Variants in SDCCAG8 observed in about 807,000 individuals in gnomAD.
SDCCAG8 encodes the protein SHH signaling and ciliogenesis regulator SDCCAG8, also known as serologically defined colon cancer antigen 8.
Under a neutral mutation model 101.8 loss-of-function variants are expected in SDCCAG8, and 74 were observed. That is an observed-to-expected ratio of 0.73 (90% CI 0.60 to 0.88). The LOEUF (loss-of-function observed/expected upper bound fraction) is 0.88, where lower values mean the gene tolerates loss of function less well. SDCCAG8 is among the 40% of genes least tolerant of loss of function. The probability of loss-of-function intolerance (pLI) is 0.00; values close to 1 mark genes in which losing one functional copy is unlikely to be tolerated. For missense variants in SDCCAG8, 787 were observed against 822.6 expected (o/e 0.96, Z 0.53); for synonymous variants, 281 against 292.9 (o/e 0.96, Z 0.41).
chr1:243,345,145 T>C (rs868104676), intron 12 of SDCCAG8, among the ~76,000 whole-genome samples: 3 of 151,830 alleles, frequency 2.0e-5, no homozygotes, highest in Non-Finnish European at 4.4e-5. Flanking sequence ...TCCAAATAAG[T>C]TTTTTTTCAA....
intron 12 of SDCCAG8, among the ~76,000 whole-genome samples, chr1:243,352,689 T>A (rs2076146981): frequency 6.6e-6 from 1 of 152,234 alleles, no homozygotes; most frequent in South Asian, 2.1e-4. Flanking sequence ...AAATTTATTG[T>A]ATAAACATAA....
chr1:243,476,203 G>C, intron 16 of SDCCAG8: 1 of 985,524 alleles, frequency 1.0e-6, no homozygotes, highest in Non-Finnish European at 1.2e-6. Flanking sequence ...GTGGCAACCA[G>C]CAGATGGGGT....
chr1:243,495,955 G>C (rs747310861), intron 17 of SDCCAG8, among the ~76,000 whole-genome samples: 10 of 152,138 alleles, frequency 6.6e-5, no homozygotes. Context: ...TCAGCTCTGC[G>C]TTGCTTCAGA....
intron 13 of SDCCAG8, among the ~76,000 whole-genome samples, chr1:243,385,475 A>G (rs1027021223): frequency 6.6e-6 from 1 of 152,184 alleles, no homozygotes; most frequent in African/African-American, 2.4e-5. Flanking sequence ...GGTTCTAGAA[A>G]AGGATTACAG....
intron 8 of SDCCAG8, among the ~76,000 whole-genome samples, chr1:243,311,838 A>G (rs755960050): frequency 1.2e-4 from 18 of 152,226 alleles, no homozygotes; most frequent in Non-Finnish European, 1.5e-5. Context: ...TAGATTATGA[A>G]AAAATATTTT....
At chr1:243,426,000 C>T (rs1031955236) in intron 15 of SDCCAG8, among the ~76,000 whole-genome samples, 7 of 152,192 alleles carry the variant, frequency 4.6e-5, no homozygotes, top group African/African-American at 1.7e-4. Flanking sequence ...CATTAAAGAA[C>T]TATTTTTATT....
chr1:243,332,842 CG>C (rs2074723984), intron 10 of SDCCAG8, among the ~76,000 whole-genome samples: 1 of 145,794 alleles, frequency 6.9e-6, no homozygotes, highest in Admixed American at 6.8e-5. Flanking sequence ...ATCGTGGTCC[CG>C]GTCTGGAGGT....
At chr1:243,332,747 G>A (rs1355033786) in intron 10 of SDCCAG8, among the ~76,000 whole-genome samples, 1 of 152,014 alleles carries the variant, frequency 6.6e-6, no homozygotes, top group Non-Finnish European at 1.5e-5. Context: ...CAGGTCTGGA[G>A]GTGATTATTG....
chr1:243,437,404 T>C (rs1177716525), intron 16 of SDCCAG8, among the ~76,000 whole-genome samples: 1 of 152,060 alleles, frequency 6.6e-6, no homozygotes, highest in Non-Finnish European at 1.5e-5. Flanking sequence ...TAGACTACGG[T>C]AAGAGTAAAC....
chr1:243,317,154 C>CT (rs1239361826), intron 9 of SDCCAG8, among the ~76,000 whole-genome samples: 1 of 152,102 alleles, frequency 6.6e-6, no homozygotes. Context: ...TATGCTTAAT[C>CT]TTTTTATTTG....
In SDCCAG8 at chr1:243,344,072, A is replaced by G. The variant is rs1464544765; in HGVS notation, c.1357-143A>G. The G allele has an allele frequency of 4.3e-6, 3 of 692,694 alleles. No individual in the cohort carries two copies. In the African/African-American group the frequency reaches 5.4e-5, roughly 12 times the overall value. 42.9% of individuals were successfully genotyped at this position (692,694 alleles called of 1,614,324 possible). A position where few individuals can be genotyped will look rare whatever the true frequency, so the allele number is the denominator to read the frequency against. The stretch of plus-strand genomic sequence containing the variant: ...TCTGAATCTTAACAAGCTACGTTGA[A>G]TAGTCTAATAGAAAATGGCATTCTT... On this transcript the variant is annotated intron_variant, in intron 11 of 17. Transcript: ENST00000366541.
chr1:243,488,236 G>T (rs1055348558), intron 16 of SDCCAG8: 2 of 152,372 alleles, frequency 1.3e-5, no homozygotes, highest in Admixed American at 6.5e-5. Context: ...CGGCTCAGTA[G>T]CCTGGAGTTT....
At chr1:243,288,904 G>T (rs1189855390) in intron 5 of SDCCAG8, among the ~76,000 whole-genome samples, 1 of 151,814 alleles carries the variant, frequency 6.6e-6, no homozygotes, top group Admixed American at 6.6e-5. Flanking sequence ...CTACTTGGGA[G>T]GCTGAGGCAG....
intron 6 of SDCCAG8, among the ~76,000 whole-genome samples, chr1:243,296,037 C>T (rs2070840596): frequency 6.6e-6 from 1 of 151,914 alleles, no homozygotes; most frequent in South Asian, 2.1e-4. Flanking sequence ...GCTCTGTCAC[C>T]CAGGGTGGAG....
chr1:243,277,805 T>C (rs1181890235), intron 4 of SDCCAG8, among the ~76,000 whole-genome samples: 1 of 152,214 alleles, frequency 6.6e-6, no homozygotes, highest in African/African-American at 2.4e-5. Context: ...GTTTGAAGGA[T>C]AGTTGTCCAT....
chr1:243,300,006 A>C (rs903525962), intron 6 of SDCCAG8, among the ~76,000 whole-genome samples: 2 of 151,914 alleles, frequency 1.3e-5, no homozygotes, highest in Non-Finnish European at 2.9e-5. Context: ...CTGGTAATAT[A>C]GGCGCATGCC....
At position 243,452,417 on chromosome 1, in the gene SDCCAG8, T is replaced by C. The variant is rs1457705061; in HGVS notation, c.1985+25859T>C. On this transcript the variant is annotated intron_variant, in intron 16 of 17. Coordinates refer to ENST00000366541, the MANE Select transcript of SDCCAG8 (RefSeq NM_006642.5). Reference sequence around the variant, plus strand: ...TACCCTTGAGATGATCTCATCTCTTTTTTTTTTTTTTTTTTTTTTTTTTGG... The same window carrying C: ...TACCCTTGAGATGATCTCATCTCTTCTTTTTTTTTTTTTTTTTTTTTTTGG... Among the ~76,000 whole-genome samples the C allele has an allele frequency of 7.7e-5, 10 of 130,074 alleles. 1 individual carries two copies. Among genetic ancestry groups the C allele is most frequent in the African/African-American group, 2.3e-4 (7 of 30,156 alleles). The allele number at this position is 130,074 out of a possible 152,430, so 85.3% of individuals were successfully genotyped here. A position where few individuals can be genotyped will look rare whatever the true frequency, so the allele number is the denominator to read the frequency against.
chr1:243,311,434 T>C (rs2072713179), intron 8 of SDCCAG8, among the ~76,000 whole-genome samples: 1 of 152,126 alleles, frequency 6.6e-6, no homozygotes, highest in Non-Finnish European at 1.5e-5. Flanking sequence ...ACACTAAATA[T>C]TTAACAGAGA....
At chr1:243,332,681 AGTCCAGGTCTGGAGGTGATTTTCGCG>A (rs1558308461) in intron 10 of SDCCAG8, among the ~76,000 whole-genome samples, 19 of 149,818 alleles carry the variant, frequency 1.3e-4, no homozygotes, top group South Asian at 4.2e-4. Flanking sequence ...TGATTATCGC[AGTCCAGGTCTGGAGGTGATTTTCGCG>A]GTCCAGGTCT....
Sources: allele counts gnomAD v4.1 joint callset (sites outside exome capture counted in the v4.1 genomes callset), GRCh38; gene constraint gnomAD v4.1.1; transcripts MANE v1.5; gene names NCBI Gene and HGNC (gene_info 2026-07-23, HGNC 2026-07-21).